The following RANBP6 variants were observed in gnomAD, a reference collection of about 807,000 sequenced individuals.
The protein encoded by RANBP6 is RAN binding protein 6.
RANBP6 carries 10 observed loss-of-function variants against 35.3 expected under a neutral mutation model. That is an observed-to-expected ratio of 0.28 (90% confidence interval 0.17 to 0.48). The LOEUF (loss-of-function observed/expected upper bound fraction) is 0.48. RANBP6 is among the 20% of genes least tolerant of loss of function. The pLI is 0.99. For synonymous variants in RANBP6, 514 were observed against 464.2 expected (o/e 1.11, Z -1.38); for missense variants, 1,392 against 1,307.7 (o/e 1.06, Z -0.99).
At position 6,013,547 on chromosome 9, in the gene RANBP6, T is replaced by C. The variant is rs778006531; in HGVS notation, c.2061A>G (p.Ala687=). Residue 687 remains alanine (A), a synonymous_variant, in exon 1 of 1, where the codon GCA becomes GCG. Coordinates refer to ENST00000259569, the MANE Select transcript of RANBP6 (RefSeq NM_012416.4). ...AGTAAACCAACATTTGGCAAGCAGT[T>C]GCTTTTGCTTCAAGTCCTGAAGTTT... The part of the protein sequence containing the change: ...GIKTSGLEAK[A]TACQMLVYYA... 7 of 1,614,230 alleles carry C rather than the reference T, an allele frequency of 4.3e-6. No homozygotes were observed. Among genetic ancestry groups the C allele is most frequent in the Middle Eastern group, 3.3e-4 (2 of 6,062 alleles).
chr9:6,013,111 C>T lies in RANBP6; in HGVS notation c.2497G>A (p.Glu833Lys). 6.2e-7 allele frequency: 1 copy of T among 1,614,032 alleles called. No individual in the cohort carries two copies. Among genetic ancestry groups the T allele is most frequent in the Non-Finnish European group, 8.5e-7 (1 of 1,179,994 alleles). Residue 833 changes from glutamate (E) to lysine (K), a missense_variant, in exon 1 of 1, where the codon GAG (glutamate) becomes AAG (lysine). Physicochemically the swap from Glu to Lys is moderately conservative, Grantham distance 56 (BLOSUM62 1). Coordinates refer to ENST00000259569, the MANE Select transcript of RANBP6 (RefSeq NM_012416.4). ...TCATCCTCATCTTGCAGAGACATCT[C>T]AACCTGTTGATCATAGTTTTCTTCC... ...RQEENYDQQV[E>K]MSLQDEDECD...
rs774384760 is a variant in RANBP6 at position 6,013,677 on chromosome 9, G to C, written c.1931C>G (p.Ala644Gly). 2.4e-5 allele frequency: 38 copies of C among 1,614,032 alleles called. No individual in the cohort carries two copies. The highest frequency in any genetic ancestry group is 1.5e-4 in the African/African-American group (11 of 74,930). ...VIEPLIKTAS[A>G]KPDVALLDTQ... Reference sequence around the variant, plus strand: ...GTCTAAGAGAGCAACATCAGGTTTAGCTGAAGCAGTCTTAATAAGAGGCTC... The same window carrying C: ...GTCTAAGAGAGCAACATCAGGTTTACCTGAAGCAGTCTTAATAAGAGGCTC... Residue 644 changes from alanine (A) to glycine (G), a missense_variant, in exon 1 of 1, where the codon GCT (alanine) becomes GGT (glycine). Ala to Gly is a moderately conservative substitution (Grantham distance 60). Coordinates refer to ENST00000259569, the MANE Select transcript of RANBP6 (RefSeq NM_012416.4).
chr9:6,014,722 C>G lies in RANBP6; in HGVS notation c.886G>C (p.Glu296Gln). The change falls in exon 1 of 1, where the codon GAA becomes CAA. Residue 296 changes from glutamate to glutamine, a missense_variant. Glu to Gln is a conservative substitution (Grantham distance 29). Coordinates refer to ENST00000259569, the MANE Select transcript of RANBP6 (RefSeq NM_012416.4). ...LALEVIVTLSETATPMLKKHT... is the reference protein window; with the variant it reads ...LALEVIVTLSQTATPMLKKHT... ...TTTTTCAACATCGGAGTGGCAGTTT[C>G]AGACAAGGTCACTATAACTTCGAGG... 6.2e-7 allele frequency: 1 copy of G among 1,614,142 alleles called. No homozygotes were observed. The highest frequency in any genetic ancestry group is 1.1e-5 in the South Asian group (1 of 91,090).
rs1842550087 is a variant in RANBP6, at chr9:6,015,073, C to T, written c.535G>A (p.Asp179Asn). ...TGGTCCAACAACCGTTTGATGATAT[C>T]CAAATCATGCCGCTCTTGGGTCCCA... ...IFGTQERHDLDIIKRLLDQCI... is the reference protein window; with the variant it reads ...IFGTQERHDLNIIKRLLDQCI... The change falls in exon 1 of 1, where the codon GAT becomes AAT. Residue 179 changes from aspartate (D) to asparagine (N), a missense_variant. Transcript: ENST00000259569. 1 of 1,614,000 alleles carries T rather than the reference C, an allele frequency of 6.2e-7. No individual in the cohort carries two copies. Among genetic ancestry groups the T allele is most frequent in the South Asian group, 1.1e-5 (1 of 91,088 alleles).
chr9:6,015,514 T>C lies in RANBP6; in HGVS notation c.94A>G (p.Met32Val). 6.2e-7 allele frequency: 1 copy of C among 1,613,570 alleles called. No homozygotes were observed. The highest frequency in any genetic ancestry group is 1.1e-5 in the South Asian group (1 of 91,088). The change falls in exon 1 of 1, where the codon ATG (methionine) becomes GTG (valine). Residue 32 changes from methionine (M) to valine (V), a missense_variant. Transcript: ENST00000259569. Reference sequence around the variant, plus strand: ...ATTTCCTCTGCTTGCCTCCGCACCATACAGCTTGGATTGATCAGGTTCTTC... The same window carrying C: ...ATTTCCTCTGCTTGCCTCCGCACCACACAGCTTGGATTGATCAGGTTCTTC... ...LLKNLINPSC[M>V]VRRQAEEIYE...
Position 6,012,656 on chromosome 9 carries a change from T to C in RANBP6, c.2952A>G (p.Ile984Met). Residue 984 changes from isoleucine to methionine, a missense_variant, in exon 1 of 1, where the codon ATA (isoleucine) becomes ATG (methionine). By Grantham distance (10) the Ile-to-Met change is conservative. Coordinates refer to ENST00000259569, the MANE Select transcript of RANBP6 (RefSeq NM_012416.4). The part of the protein sequence containing the change: ...VIATENCISA[I>M]GKILKFKPNC... ...TAGGCTTAAACTTCAAAATCTTCCC[T>C]ATTGCTGAGATACAGTTCTCTGTAG... 1 of 1,613,604 alleles carries C rather than the reference T, an allele frequency of 6.2e-7. No individual in the cohort carries two copies. The highest frequency in any genetic ancestry group is 1.7e-4 in the Middle Eastern group (1 of 6,058).
rs994549009 is a variant in RANBP6, at chr9:6,013,030, T to C, written c.2578A>G (p.Thr860Ala). 1 of 1,613,698 alleles carries C rather than the reference T, an allele frequency of 6.2e-7. No homozygotes were observed. Among genetic ancestry groups the C allele is most frequent in the Non-Finnish European group, 8.5e-7 (1 of 1,179,838 alleles). ...CATGGTAAAATCTTTTCCTTATAAG[T>C]ACTAAATAATGAGTGCAAAATATCT... ...VSDILHSLFSTYKEKILPWFE... is the reference protein window; with the variant it reads ...VSDILHSLFSAYKEKILPWFE... The change falls in exon 1 of 1, where the codon ACT becomes GCT. Residue 860 changes from threonine (T) to alanine (A), a missense_variant. Coordinates refer to ENST00000259569, the MANE Select transcript of RANBP6 (RefSeq NM_012416.4).
At position 6,013,064 on chromosome 9, in the gene RANBP6, G is replaced by A; in HGVS notation, c.2544C>T (p.Thr848=). 1.2e-6 allele frequency: 2 copies of A among 1,613,760 alleles called. No homozygotes were observed. The highest frequency in any genetic ancestry group is 8.5e-7 in the Non-Finnish European group (1 of 1,179,894). The change falls in exon 1 of 1, where the codon ACC becomes ACT. Residue 848 remains threonine (T), a synonymous_variant. Coordinates refer to ENST00000259569, the MANE Select transcript of RANBP6 (RefSeq NM_012416.4). The stretch of plus-strand genomic sequence containing the variant: ...ATGAGTGCAAAATATCTGATACTTT[G>A]GTCAGAATATAAACATCACATTCAT... ...DEDECDVYIL[T]KVSDILHSLF... is the part of the protein sequence containing the mutation.
rs145028537 is a variant in RANBP6 at position 6,015,130 on chromosome 9, G to C, written c.478C>G (p.Leu160Val). 4.6e-4 allele frequency: 748 copies of C among 1,614,114 alleles called. 2 individuals carry two copies. Among genetic ancestry groups the C allele is most frequent in the Non-Finnish European group, 5.8e-4 (685 of 1,180,032 alleles). Residue 160 changes from leucine to valine, a missense_variant, in exon 1 of 1, where the codon CTT (leucine) becomes GTT (valine). Leu to Val is a conservative substitution (Grantham distance 32). Transcript: ENST00000259569. The part of the protein sequence containing the change: ...SKNVVLWEVA[L>V]HVFWHFPGIF... ...CCAGGAAAGTGCCAGAAAACGTGAAGTGCAACTTCCCATAGAACCACATTT... is the reference window on the plus strand; with the variant it reads ...CCAGGAAAGTGCCAGAAAACGTGAACTGCAACTTCCCATAGAACCACATTT...
Position 6,012,712 on chromosome 9 carries a change from C to A in RANBP6, c.2896G>T (p.Ala966Ser), listed in dbSNP as rs774674307. ...ACATTTTTTTTGGTTTTGGAATTTG[C>A]ACACTTAATAACTTTTACCAGAAGT... ...VPLLVKVIKCANSKTKKNVIA... is the reference protein window; with the variant it reads ...VPLLVKVIKCSNSKTKKNVIA... Residue 966 changes from alanine (A) to serine (S), a missense_variant, in exon 1 of 1, where the codon GCA (alanine) becomes TCA (serine). Ala to Ser is a moderately conservative substitution (Grantham distance 99, BLOSUM62 1). Coordinates refer to ENST00000259569, the MANE Select transcript of RANBP6 (RefSeq NM_012416.4). 1 of 1,613,834 alleles carries A rather than the reference C, an allele frequency of 6.2e-7. No homozygotes were observed. Among genetic ancestry groups the A allele is most frequent in the South Asian group, 1.1e-5 (1 of 90,986 alleles).
At position 6,012,254 on chromosome 9, in the gene RANBP6, T is replaced by C. The variant is rs1377829419; in HGVS notation, c.*36A>G. 9.3e-6 allele frequency: 13 copies of C among 1,392,556 alleles called. No homozygotes were observed. In the East Asian group the frequency reaches 2.9e-4, roughly 31 times the overall value. The allele number at this position is 1,392,556 out of a possible 1,614,324, so 86.3% of individuals were successfully genotyped here. ...TCACAACACTTATTTGTAGTTACTT[T>C]TATAATAGATAATATTCAAGTTATA... On this transcript the variant is annotated 3_prime_UTR_variant, in exon 1 of 1. Transcript: ENST00000259569.
chr9:6,015,063 T>C lies in RANBP6; in HGVS notation c.545A>G (p.Lys182Arg), dbSNP rs373660643. The C allele has an allele frequency of 1.2e-6, 2 of 1,614,206 alleles. No individual in the cohort carries two copies. The highest frequency in any genetic ancestry group is 1.7e-6 in the Non-Finnish European group (2 of 1,180,032). The change falls in exon 1 of 1, where the codon AAA becomes AGA. Residue 182 changes from lysine to arginine, a missense_variant. Lys to Arg is a conservative substitution (Grantham distance 26, BLOSUM62 2). Transcript: ENST00000259569. ...TQERHDLDII[K>R]RLLDQCIQDQ... ...TTGAATACACTGGTCCAACAACCGT[T>C]TGATGATATCCAAATCATGCCGCTC...
Position 6,015,041 on chromosome 9 carries a change from AATAC to A in RANBP6, c.563_566del (p.Cys188PhefsTer45). 6.2e-7 allele frequency: 1 copy of A among 1,614,258 alleles called. No homozygotes were observed. Among genetic ancestry groups the A allele is most frequent in the Non-Finnish European group, 8.5e-7 (1 of 1,180,056 alleles). ...TGATTGCTGGATGTTCTTGATCTTGAATACACTGGTCCAACAACCGTTTGATGAT... is the reference window on the plus strand; with the variant it reads ...TGATTGCTGGATGTTCTTGATCTTGAACTGGTCCAACAACCGTTTGATGAT... On this transcript the variant is annotated frameshift_variant, in exon 1 of 1. Transcript: ENST00000259569. LOFTEE classifies it low-confidence loss of function (END_TRUNC).
rs779440933 is a variant in RANBP6, at chr9:6,013,665, A to T, written c.1943T>A (p.Val648Asp). The T allele has an allele frequency of 6.2e-7, 1 of 1,614,218 alleles. No individual in the cohort carries two copies. The change falls in exon 1 of 1, where the codon GTT becomes GAT. Residue 648 changes from valine to aspartate, a missense_variant. Physicochemically the swap from Val to Asp is radical, Grantham distance 152 (BLOSUM62 -3). Transcript: ENST00000259569. Reference protein sequence around the residue: ...LIKTASAKPDVALLDTQDVEN... With the variant: ...LIKTASAKPDDALLDTQDVEN... ...CACATCCTGTGTGTCTAAGAGAGCA[A>T]CATCAGGTTTAGCTGAAGCAGTCTT...
rs910944410 is a variant in RANBP6, at chr9:6,012,381, A to G, written c.3227T>C (p.Val1076Ala). ...AKRLANVVRQ[V>A]QTSEDLWLEC... ...CAACCATAAATCTTCAGAAGTCTGT[A>G]CCTGACGCACGACATTAGCTAGGCG... Residue 1076 changes from valine (V) to alanine (A), a missense_variant, in exon 1 of 1, where the codon GTA becomes GCA. Coordinates refer to ENST00000259569, the MANE Select transcript of RANBP6 (RefSeq NM_012416.4). 1 of 1,613,800 alleles carries G rather than the reference A, an allele frequency of 6.2e-7. No individual in the cohort carries two copies. The highest frequency in any genetic ancestry group is 1.3e-5 in the African/African-American group (1 of 74,914).
rs756906507 is a variant in RANBP6, at chr9:6,014,613, G to A, written c.995C>T (p.Ala332Val). 2 of 1,614,132 alleles carry A rather than the reference G, an allele frequency of 1.2e-6. No homozygotes were observed. Among genetic ancestry groups the A allele is most frequent in the South Asian group, 2.2e-5 (2 of 91,086 alleles). Residue 332 changes from alanine to valine, a missense_variant, in exon 1 of 1, where the codon GCT becomes GTT. Transcript: ENST00000259569. ...AAAATCATCTTCTTCCATTTCATCA[G>A]CATTTACCCAGTCCTCATCATCTTG... is the stretch of plus-strand genomic sequence containing the variant. ...DLQDDEDWVNADEMEEDDFDS... is the reference protein window; with the variant it reads ...DLQDDEDWVNVDEMEEDDFDS...
Position 6,015,259 on chromosome 9 carries a change from G to GT in RANBP6, c.348dup (p.Leu117ThrfsTer3), listed in dbSNP as rs1371022649. 8 of 1,614,192 alleles carry GT rather than the reference G, an allele frequency of 5.0e-6. No individual in the cohort carries two copies. The highest frequency in any genetic ancestry group is 1.3e-5 in the African/African-American group (1 of 75,034). The stretch of plus-strand genomic sequence containing the variant: ...GCCAGCACTGCAAAAATATCACAAA[G>GT]TTTTTTCCTCATGCTAGCATGTGTT... On this transcript the variant is annotated frameshift_variant, in exon 1 of 1. Transcript: ENST00000259569. LOFTEE classifies it low-confidence loss of function (END_TRUNC).
At position 6,014,845 on chromosome 9, in the gene RANBP6, C is replaced by T. The variant is rs867438080; in HGVS notation, c.763G>A (p.Val255Ile). The T allele has an allele frequency of 2.2e-5, 35 of 1,614,054 alleles. No homozygotes were observed. Among genetic ancestry groups the T allele is most frequent in the East Asian group, 8.9e-5 (4 of 44,906 alleles). ...LESLVEIADTVPKYLGPYLED... is the reference protein window; with the variant it reads ...LESLVEIADTIPKYLGPYLED... ...AAATAAGGACCCAAGTACTTAGGTA[C>T]GGTATCTGCAATCTCAACAAGGGAT... Residue 255 changes from valine (V) to isoleucine (I), a missense_variant, in exon 1 of 1, where the codon GTA becomes ATA. Physicochemically the swap from Val to Ile is conservative, Grantham distance 29. Transcript: ENST00000259569.
At position 6,011,596 on chromosome 9, in the gene RANBP6, A is replaced by C. The variant is rs1490306517; in HGVS notation, c.*694T>G. ...TGCTACCAATATTAGATGTATCAGG[A>C]CTCCCTTTTCAGTAACTATGGTTCT... On this transcript the variant is annotated 3_prime_UTR_variant, in exon 1 of 1. Transcript: ENST00000259569. 1 of 152,158 alleles carries C rather than the reference A, an allele frequency of 6.6e-6. No individual in the cohort carries two copies. Among genetic ancestry groups the C allele is most frequent in the Non-Finnish European group, 1.5e-5 (1 of 68,028 alleles). The allele number at this position is 152,158 out of a possible 1,614,324, so 9.4% of individuals were successfully genotyped here.
Sources: allele counts gnomAD v4.1 joint callset, GRCh38; gene constraint gnomAD v4.1.1; transcripts MANE v1.5; gene names NCBI Gene and HGNC (gene_info 2026-07-23, HGNC 2026-07-21).